MME: variants seen among roughly 807,000 people sequenced by gnomAD.
MME encodes the protein membrane metalloendopeptidase, also known as neprilysin.
In MME, 98 loss-of-function variants were observed where a neutral mutation model predicts 113.2. The ratio of observed to expected loss-of-function variants is 0.87; its 90% CI spans 0.74 to 1.02. The LOEUF (loss-of-function observed/expected upper bound fraction) is 1.02, where lower values mean the gene tolerates loss of function less well. Among genes scored for constraint, MME ranks in the 50% least tolerant of loss-of-function variants. The probability of loss-of-function intolerance (pLI) is 0.00; values close to 1 mark genes in which losing one functional copy is unlikely to be tolerated. For synonymous variants in MME, 292 were observed against 300.6 expected (o/e 0.97, Z 0.30); for missense variants, 836 against 896.0 (o/e 0.93, Z 0.86).
chr3:155,152,463 T>A (rs1013332159), intron 16 of MME, among the ~76,000 whole-genome samples: 11 of 152,190 alleles, frequency 7.2e-5, no homozygotes, highest in African/African-American at 2.2e-4. Context: ...TGTAGCTCTT[T>A]ATGAATGTTT....
At chr3:155,118,118 T>C (rs1718780534) in intron 7 of MME, among the ~76,000 whole-genome samples, 1 of 152,212 alleles carries the variant, frequency 6.6e-6, no homozygotes. Flanking sequence ...GAGGTTCTTC[T>C]GAGCAGAGCA....
intron 8 of MME, among the ~76,000 whole-genome samples, chr3:155,130,124 A>T (rs74718980): frequency 1.3e-5 from 2 of 152,294 alleles, no homozygotes; most frequent in East Asian, 3.9e-4. Context: ...ATATTTGAGC[A>T]TAATTACATA....
intron 3 of MME, among the ~76,000 whole-genome samples, chr3:155,100,104 G>A (rs1054560314): frequency 2.0e-5 from 3 of 152,158 alleles, no homozygotes; most frequent in African/African-American, 7.2e-5. Flanking sequence ...TACCATCAGA[G>A]TGAACAGGCA....
chr3:155,161,886 C>A (rs889464119), intron 17 of MME, among the ~76,000 whole-genome samples: 1 of 152,114 alleles, frequency 6.6e-6, no homozygotes, highest in African/African-American at 2.4e-5. Flanking sequence ...TGCAGTCAGT[C>A]CTTTATAATA....
intron 1 of MME, among the ~76,000 whole-genome samples, chr3:155,063,111 ATATGTTATATATTTATGTTATATAAT>A (rs1349772409): frequency 5.0e-5 from 7 of 140,622 alleles, no homozygotes; most frequent in African/African-American, 1.3e-4. Context: ...TTATATAAAT[ATATGTTATATATTTATGTTATATAAT>A]TATGTTATAT....
chr3:155,151,282 A>G (rs1175017415), intron 16 of MME, among the ~76,000 whole-genome samples: 1 of 152,170 alleles, frequency 6.6e-6, no homozygotes, highest in Non-Finnish European at 1.5e-5. Flanking sequence ...ATGTGTGCAT[A>G]CCCAAAACTG....
At chr3:155,118,607 T>C (rs985534444) in intron 7 of MME, 139 bp from the exon 8 acceptor site, 1 of 662,290 alleles carries the variant, frequency 1.5e-6, no homozygotes, top group Non-Finnish European at 2.7e-6. Flanking sequence ...CCTAACTAGG[T>C]ATTTATTGAG....
rs1301274107 is a variant in MME at position 155,049,665 on chromosome 3, ATC to A, written c.-11+25343_-11+25344del. 4.9e-3 allele frequency among the ~76,000 whole-genome samples: 739 copies of A among 151,782 alleles called. 4 individuals carry two copies. The highest frequency in any genetic ancestry group is 0.013 in the African/African-American group (545 of 41,264). The stretch of plus-strand genomic sequence containing the variant: ...TATCTATCTATCTATCTATCTATCT[ATC>A]TATCTATATATAGAGAGAGAACAGA... On this transcript the variant is annotated intron_variant, in intron 1 of 22. Transcript: ENST00000492661.
At chr3:155,061,326 C>T (rs1714135776) in intron 1 of MME, among the ~76,000 whole-genome samples, 1 of 151,680 alleles carries the variant, frequency 6.6e-6, no homozygotes, top group African/African-American at 2.4e-5. Context: ...TGGCAGGAGC[C>T]TGTAGTCCCA....
chr3:155,063,065 C>T (rs561911850), intron 1 of MME, among the ~76,000 whole-genome samples: 10 of 141,608 alleles, frequency 7.1e-5, no homozygotes, highest in East Asian at 6.1e-4. Context: ...GAAAGAACTA[C>T]GTCAAAACTA....
chr3:155,063,360 T>C (rs1714238726), intron 1 of MME, among the ~76,000 whole-genome samples: 1 of 106,372 alleles, frequency 9.4e-6, no homozygotes, highest in Non-Finnish European at 1.7e-5. Flanking sequence ...GTATATTATA[T>C]TTATATATAT....
At chr3:155,149,717 T>C (rs954919838) in intron 16 of MME, among the ~76,000 whole-genome samples, 2 of 152,062 alleles carry the variant, frequency 1.3e-5, no homozygotes, top group African/African-American at 4.8e-5. Flanking sequence ...AAGACTGTTC[T>C]GTTCTCAGTA....
At chr3:155,178,016 G>A (rs879324393) in intron 22 of MME, among the ~76,000 whole-genome samples, 1 of 152,098 alleles carries the variant, frequency 6.6e-6, no homozygotes, top group African/African-American at 2.4e-5. Flanking sequence ...ACAACCACAC[G>A]CCATGCTATC....
intron 16 of MME, among the ~76,000 whole-genome samples, chr3:155,156,682 A>G (rs940815497): frequency 6.6e-6 from 1 of 152,124 alleles, no homozygotes; most frequent in Non-Finnish European, 1.5e-5. Context: ...ATTGTAAAGG[A>G]TTAGAGTGAT....
intron 22 of MME, among the ~76,000 whole-genome samples, chr3:155,177,022 C>T (rs575166365): frequency 8.0e-4 from 122 of 152,210 alleles, no homozygotes; most frequent in African/African-American, 2.8e-3. Context: ...AGTGCCCACT[C>T]TCTGCGGTGT....
At chr3:155,083,997 T>C (rs915439389) in intron 1 of MME, 161 bp from the exon 2 acceptor site, 10 of 644,558 alleles carry the variant, frequency 1.6e-5, no homozygotes, top group Non-Finnish European at 2.2e-5. Flanking sequence ...TGGCTCTATA[T>C]ACTTTGCATT....
chr3:155,084,311 C>T lies in MME; in HGVS notation c.144C>T (p.Leu48=). Residue 48 remains leucine, a synonymous_variant, in exon 2 of 23, where the codon CTC becomes CTT. Transcript: ENST00000360490. Reference sequence around the variant, plus strand: ...TCATAGCTGTGACAATGATCGCACTCTATGCAACCTACGATGGTGAGTTAC... The same window carrying T: ...TCATAGCTGTGACAATGATCGCACTTTATGCAACCTACGATGGTGAGTTAC... ...LTIIAVTMIA[L]YATYDDGICK... 1 of 1,614,158 alleles carries T rather than the reference C, an allele frequency of 6.2e-7. No individual in the cohort carries two copies. Among genetic ancestry groups the T allele is most frequent in the Non-Finnish European group, 8.5e-7 (1 of 1,180,024 alleles).
At chr3:155,158,163 T>C (rs1722449293) in intron 16 of MME, among the ~76,000 whole-genome samples, 1 of 152,086 alleles carries the variant, frequency 6.6e-6, no homozygotes, top group Admixed American at 6.6e-5. Context: ...ACAACTTGGA[T>C]TGGCACCTTT....
chr3:155,143,478 G>A lies in MME; in HGVS notation c.1224G>A (p.Trp408Ter). 1 of 1,612,714 alleles carries A rather than the reference G, an allele frequency of 6.2e-7. No individual in the cohort carries two copies. The highest frequency in any genetic ancestry group is 8.5e-7 in the Non-Finnish European group (1 of 1,178,974). The part of the protein sequence containing the change: ...LYGTTSETAT[W>*]RRCANYVNGN... ...GTACAACCTCAGAAACAGCAACTTG[G>A]AGACGTTGTGCAAACTATGTCAATG... is the stretch of plus-strand genomic sequence containing the variant. Residue 408 changes from tryptophan to a stop codon, truncating the protein, a stop_gained, in exon 13 of 23, where the codon TGG becomes TGA. Transcript: ENST00000360490. LOFTEE classifies it high-confidence loss of function.
Sources: allele counts gnomAD v4.1 joint callset (sites outside exome capture counted in the v4.1 genomes callset), GRCh38; gene constraint gnomAD v4.1.1; transcripts MANE v1.5; gene names NCBI Gene and HGNC (gene_info 2026-07-23, HGNC 2026-07-21).